CACHD1: variants seen among roughly 807,000 people sequenced by gnomAD.
CACHD1 encodes the protein VWFA and cache domain-containing protein 1.
Under a neutral mutation model 138.7 loss-of-function variants are expected in CACHD1, and 71 were observed. The ratio of observed to expected loss-of-function variants is 0.51; its 90% CI spans 0.42 to 0.62. The LOEUF is 0.62. Among genes scored for constraint, CACHD1 ranks in the 20% least tolerant of loss-of-function variants. The pLI is 0.00. For synonymous variants in CACHD1, 578 were observed against 591.5 expected, an observed-to-expected ratio of 0.98 and a Z score of 0.33; for missense variants, 1,389 against 1,625.3, an observed-to-expected ratio of 0.85 and a Z score of 2.50.
At chr1:64,598,745 G>A (rs939394478) in intron 3 of CACHD1, among the ~76,000 whole-genome samples, 1 of 151,774 alleles carries the variant, frequency 6.6e-6, no homozygotes, top group Admixed American at 6.6e-5. Flanking sequence ...TTTGGCATAG[G>A]GGGAAGGCAA....
At chr1:64,502,520 C>T (rs558093281) in intron 1 of CACHD1, among the ~76,000 whole-genome samples, 2 of 152,122 alleles carry the variant, frequency 1.3e-5, no homozygotes, top group South Asian at 4.1e-4. Context: ...CTACTTTTCC[C>T]TCTCTCTGTG....
At chr1:64,537,061 C>T (rs1646638398) in intron 1 of CACHD1, among the ~76,000 whole-genome samples, 1 of 152,106 alleles carries the variant, frequency 6.6e-6, no homozygotes, top group South Asian at 2.1e-4. Flanking sequence ...GAGCAGGAGT[C>T]CTGTTGCCCT....
At chr1:64,517,443 A>C (rs376204108) in intron 1 of CACHD1, among the ~76,000 whole-genome samples, 157 of 152,348 alleles carry the variant, frequency 1.0e-3, no homozygotes, top group African/African-American at 3.7e-3. Flanking sequence ...AGTGTGGGAC[A>C]GGGGAGAGTT....
intron 5 of CACHD1, 119 bp from the exon 6 acceptor site, chr1:64,632,480 C>G (rs17126801): frequency 0.067 from 66,761 of 990,254 alleles, 2,582 homozygotes; most frequent in Non-Finnish European, 0.075. Context: ...CATCCTTGTG[C>G]CATCCCTGGG....
At chr1:64,632,937 A>C (rs564708957) in intron 6 of CACHD1, among the ~76,000 whole-genome samples, 194 bp downstream of exon 6, 1 of 152,380 alleles carries the variant, frequency 6.6e-6, no homozygotes, top group South Asian at 2.1e-4. Flanking sequence ...TACCTTAAAC[A>C]GTCGGAACAC....
intron 1 of CACHD1, among the ~76,000 whole-genome samples, chr1:64,478,423 A>G (rs903129601): frequency 2.6e-5 from 4 of 152,196 alleles, no homozygotes; most frequent in Non-Finnish European, 4.4e-5. Context: ...TCCCCCTTCC[A>G]GAAGAGACAA....
At chr1:64,594,862 T>C (rs1306436675) in intron 3 of CACHD1, among the ~76,000 whole-genome samples, 1 of 152,200 alleles carries the variant, frequency 6.6e-6, no homozygotes, top group African/African-American at 2.4e-5. Context: ...ACCAAAGCAA[T>C]TTCAAAGAAG....
At chr1:64,629,942 G>A (rs1648243460) in intron 5 of CACHD1, among the ~76,000 whole-genome samples, 2 of 152,018 alleles carry the variant, frequency 1.3e-5, no homozygotes, top group Admixed American at 6.6e-5. Flanking sequence ...GAAGTTTTGA[G>A]GTGAGCAGAA....
rs1352433231 is a variant in CACHD1, at chr1:64,470,264, C to T, written c.-481C>T. ...TCCCTCCTCGCTCGGGTGGCTGCCC[C>T]AGTCTCGCAGCCCGGCCGCCGCTCC... On this transcript the variant is annotated 5_prime_UTR_variant, in exon 1 of 27. Transcript: ENST00000651257. This position sits in a 1 kb window ranked among gnomAD's most constrained non-coding sequence, Gnocchi z 5.2. Among the ~76,000 whole-genome samples the T allele has an allele frequency of 1.3e-5, 2 of 151,986 alleles. No individual in the cohort carries two copies. The highest frequency in any genetic ancestry group is 2.9e-5 in the Non-Finnish European group (2 of 67,954).
intron 2 of CACHD1, among the ~76,000 whole-genome samples, chr1:64,562,348 TTTAAATTTTTTTTCTCTTG>T (rs1646846782): frequency 4.3e-5 from 2 of 46,170 alleles, no homozygotes; most frequent in African/African-American, 7.1e-5. Flanking sequence ...TTCTTCTCTT[TTTAAATTTTTTTTCTCTTG>T]GATAAAGATA....
intron 3 of CACHD1, among the ~76,000 whole-genome samples, chr1:64,592,587 G>T (rs893073): frequency 0.63 from 95,749 of 152,028 alleles, 32,648 homozygotes; most frequent in East Asian, 0.77. Flanking sequence ...AACAGCAAGT[G>T]TCCATATAGC....
intron 8 of CACHD1, among the ~76,000 whole-genome samples, chr1:64,642,889 A>G (rs1308409786): frequency 1.3e-5 from 2 of 150,676 alleles, no homozygotes; most frequent in African/African-American, 4.9e-5. Context: ...AAATACAAAA[A>G]TTAGCTGGGC....
chr1:64,611,681 AT>A (rs1395470938), intron 4 of CACHD1, among the ~76,000 whole-genome samples: 1 of 152,162 alleles, frequency 6.6e-6, no homozygotes, highest in Non-Finnish European at 1.5e-5. Context: ...CACTGTCAGC[AT>A]TTTGGTCCAA....
At chr1:64,576,301 C>G (rs545054008) in intron 2 of CACHD1, among the ~76,000 whole-genome samples, 1 of 152,280 alleles carries the variant, frequency 6.6e-6, no homozygotes, top group Non-Finnish European at 1.5e-5. Context: ...CTGCAGGGAT[C>G]ATGGCAGGAT....
In CACHD1 at chr1:64,553,251, G is replaced by C. The variant is rs74080418; in HGVS notation, c.261+2595G>C. Among the ~76,000 whole-genome samples the C allele has an allele frequency of 6.2e-3, 942 of 152,264 alleles. 10 individuals carry two copies. Among genetic ancestry groups the C allele is most frequent in the African/African-American group, 0.022 (911 of 41,540 alleles). On this transcript the variant is annotated intron_variant, in intron 2 of 26. Transcript: ENST00000651257. ...CACTTCATTATGATGGTTCTCCCATGGGTTGAATTGAACACGGGATTTCTC... is the reference window on the plus strand; with the variant it reads ...CACTTCATTATGATGGTTCTCCCATCGGTTGAATTGAACACGGGATTTCTC...
At chr1:64,489,986 T>A (rs545858859) in intron 1 of CACHD1, among the ~76,000 whole-genome samples, 1 of 152,344 alleles carries the variant, frequency 6.6e-6, no homozygotes, top group Non-Finnish European at 1.5e-5. Context: ...CATACCCCAG[T>A]GGACCAAGCT....
intron 2 of CACHD1, among the ~76,000 whole-genome samples, chr1:64,568,946 A>G (rs2100504903): frequency 6.6e-6 from 1 of 152,048 alleles, no homozygotes; most frequent in South Asian, 2.1e-4. Context: ...TTTGAGATGG[A>G]GTTTCACTCT....
At chr1:64,538,733 C>T (rs1646654186) in intron 1 of CACHD1, among the ~76,000 whole-genome samples, 1 of 152,050 alleles carries the variant, frequency 6.6e-6, no homozygotes. Context: ...AGGAATATAC[C>T]AGAATCGTAT....
Position 64,690,735 on chromosome 1 carries a change from A to C in CACHD1, c.3587-588A>C, listed in dbSNP as rs552876359. Among the ~76,000 whole-genome samples, 227 of 152,336 alleles carry C rather than the reference A, an allele frequency of 1.5e-3. 1 individual carries two copies. Among genetic ancestry groups the C allele is most frequent in the South Asian group, 1.7e-3 (8 of 4,828 alleles). On this transcript the variant is annotated intron_variant, in intron 26 of 26. Transcript: ENST00000651257. ...TAAAATATATCACCATTGGTGTGCA[A>C]GAATTGCCTGACACAAGTGCCTGCT...
Sources: gnomAD v4.1 joint callset for allele counts (sites outside exome capture counted in the v4.1 genomes callset) on GRCh38, gnomAD v4.1.1 for gene constraint, Gnocchi (gnomAD v3.1) non-coding constraint, MANE v1.5 for transcripts, NCBI Gene and HGNC (gene_info 2026-07-23, HGNC 2026-07-21) for gene names.